Variants in MYBL1 observed in about 807,000 individuals in gnomAD.
The protein encoded by MYBL1 is MYB proto-oncogene like 1.
MYBL1 carries 17 observed loss-of-function variants against 96.3 expected under a neutral mutation model. The ratio of observed to expected loss-of-function variants is 0.18; its 90% confidence interval spans 0.12 to 0.26. The LOEUF (loss-of-function observed/expected upper bound fraction) is 0.26. Among genes scored for constraint, MYBL1 ranks in the 10% least tolerant of loss-of-function variants. The probability of loss-of-function intolerance (pLI) is 1.00; values close to 1 mark genes in which losing one functional copy is unlikely to be tolerated. For synonymous variants in MYBL1, 282 were observed against 292.7 expected (o/e 0.96, Z 0.37); for missense variants, 701 against 882.9 (o/e 0.79, Z 2.61).
At chr8:66,574,978 C>T (rs777840304) in intron 10 of MYBL1, among the ~76,000 whole-genome samples, 5 of 152,036 alleles carry the variant, frequency 3.3e-5, no homozygotes, top group Non-Finnish European at 4.4e-5. Flanking sequence ...CACTTGAACC[C>T]GGGAGGCGGA....
rs748438054 is a variant in MYBL1 at position 66,580,250 on chromosome 8, C to A, written c.984G>T (p.Gln328His). The stretch of plus-strand genomic sequence containing the variant: ...GTGAATTCTGCTGAGCAGACACAGG[C>A]TGATTTTCATCCATACTGTAAAACT... ...TSEFYSMDENQPVSAQQNSPT... is the reference protein window; with the variant it reads ...TSEFYSMDENHPVSAQQNSPT... Residue 328 changes from glutamine (Q) to histidine (H), a missense_variant, in exon 9 of 16, where the codon CAG becomes CAT. This residue lies in a region of MYBL1 where 396 missense variants were observed against 407.4 expected (regional missense o/e 0.97). Coordinates refer to ENST00000522677, the MANE Select transcript of MYBL1 (RefSeq NM_001080416.4). 1 of 1,613,864 alleles carries A rather than the reference C, an allele frequency of 6.2e-7. No homozygotes were observed. The highest frequency in any genetic ancestry group is 8.5e-7 in the Non-Finnish European group (1 of 1,179,798).
In MYBL1 at chr8:66,572,340, AC is replaced by A. The variant is rs948295090; in HGVS notation, c.1728+141del. 186 of 525,398 alleles carry A rather than the reference AC, an allele frequency of 3.5e-4. 1 individual carries two copies. The highest frequency in any genetic ancestry group is 4.6e-4 in the Non-Finnish European group (140 of 306,526). The allele number at this position is 525,398 out of a possible 1,614,324, so 32.5% of individuals were successfully genotyped here. ...GTCTCAAAAAAAAAACAAAAAAAAA[AC>A]CTTGAAAATCAAAAGATAAAGCTTT... On this transcript the variant is annotated intron_variant, in intron 12 of 15. Transcript: ENST00000522677.
rs1413389155 is a variant in MYBL1, at chr8:66,578,372, A to C, written c.1101+1761T>G. ...TATCCAGAATCTACAATGAACTCAA[A>C]CAAATTTACAAGAAAAAAACAAACA... On this transcript the variant is annotated intron_variant, in intron 9 of 15. Coordinates refer to ENST00000522677, the MANE Select transcript of MYBL1 (RefSeq NM_001080416.4). 3.3e-5 allele frequency among the ~76,000 whole-genome samples: 5 copies of C among 152,244 alleles called. No individual in the cohort carries two copies. The South Asian group carries it at 6.2e-4, about 19-fold the overall frequency.
intron 5 of MYBL1, among the ~76,000 whole-genome samples, chr8:66,595,986 T>C (rs1462660365): frequency 6.6e-6 from 1 of 152,150 alleles, no homozygotes; most frequent in African/African-American, 2.4e-5. Context: ...CCAGAAATAT[T>C]GCAGTGAGTA....
At chr8:66,585,700 C>G (rs1289327862) in intron 8 of MYBL1, among the ~76,000 whole-genome samples, 2 of 152,112 alleles carry the variant, frequency 1.3e-5, no homozygotes, top group Non-Finnish European at 2.9e-5. Context: ...CGCGCCACTG[C>G]CACTGCACTC....
At chr8:66,583,080 G>C (rs1337330809) in intron 8 of MYBL1, among the ~76,000 whole-genome samples, 1 of 152,100 alleles carries the variant, frequency 6.6e-6, no homozygotes, top group Non-Finnish European at 1.5e-5. Flanking sequence ...CTTCATGACA[G>C]ACCACGTATT....
chr8:66,606,918 G>T (rs1223977652), intron 1 of MYBL1, among the ~76,000 whole-genome samples: 1 of 151,966 alleles, frequency 6.6e-6, no homozygotes, highest in Non-Finnish European at 1.5e-5. Context: ...AGCCTCCCAG[G>T]TAGAAGGAAT....
At chr8:66,577,577 G>C (rs1809012485) in intron 9 of MYBL1, among the ~76,000 whole-genome samples, 5 of 152,058 alleles carry the variant, frequency 3.3e-5, no homozygotes, top group Non-Finnish European at 5.9e-5. Flanking sequence ...TGAAATAAAA[G>C]AGGATACAAA....
At chr8:66,566,004 CCAAAGTGATCATTGACTAA>C (rs1442781647) in intron 15 of MYBL1, 41 bp downstream of exon 15, 35 of 1,151,266 alleles carry the variant, frequency 3.0e-5, no homozygotes, top group Non-Finnish European at 4.1e-5. Flanking sequence ...ATCAGTAAAT[CCAAAGTGATCATTGACTAA>C]ACAAAAACAA....
chr8:66,601,421 G>A lies in MYBL1; in HGVS notation c.198+277C>T, dbSNP rs77314203. Among the ~76,000 whole-genome samples, 1,041 of 151,932 alleles carry A rather than the reference G, an allele frequency of 6.9e-3. 5 individuals carry two copies. The highest frequency in any genetic ancestry group is 0.012 in the Non-Finnish European group (811 of 67,972). On this transcript the variant is annotated intron_variant, in intron 3 of 15. Transcript: ENST00000522677. ...TCACAGAATGTTTTAACGTGTATTAGCAAATATTTATAAGGTCCCACATAC... is the reference window on the plus strand; with the variant it reads ...TCACAGAATGTTTTAACGTGTATTAACAAATATTTATAAGGTCCCACATAC...
At chr8:66,611,221 T>G (rs1185559637) in intron 1 of MYBL1, among the ~76,000 whole-genome samples, 1 of 152,192 alleles carries the variant, frequency 6.6e-6, no homozygotes, top group East Asian at 1.9e-4. Flanking sequence ...TCAAATAAGA[T>G]TAACATCAAT....
chr8:66,580,320 T>A lies in MYBL1; in HGVS notation c.914A>T (p.Asp305Val). The A allele has an allele frequency of 1.2e-6, 2 of 1,613,580 alleles. No homozygotes were observed. The highest frequency in any genetic ancestry group is 1.7e-6 in the Non-Finnish European group (2 of 1,179,590). Reference protein sequence around the residue: ...SSWSGSFLMDDNMSNTLNSLD... With the variant: ...SSWSGSFLMDVNMSNTLNSLD... ...GCTATTTAGAGTATTAGACATGTTA[T>A]CATCCATGAGGAAACTACCAGACCA... The change falls in exon 9 of 16, where the codon GAT (aspartate) becomes GTT (valine). Residue 305 changes from aspartate (D) to valine (V), a missense_variant. By Grantham distance (152) the Asp-to-Val change is radical. Around this residue, in one of 5 missense-constraint regions of MYBL1, gnomAD observed 396 missense variants for 407.4 expected, o/e 0.97. Coordinates refer to ENST00000522677, the MANE Select transcript of MYBL1 (RefSeq NM_001080416.4).
chr8:66,580,901 C>T (rs1449665708), intron 8 of MYBL1, among the ~76,000 whole-genome samples: 1 of 150,910 alleles, frequency 6.6e-6, no homozygotes, highest in Admixed American at 6.6e-5. Context: ...CACTCAGTTG[C>T]CCAGGCTGGG....
chr8:66,606,294 A>G lies in MYBL1; in HGVS notation c.21-3771T>C, dbSNP rs1810309026. Among the ~76,000 whole-genome samples the G allele has an allele frequency of 2.0e-5, 3 of 152,346 alleles. No homozygotes were observed. The South Asian group carries it at 6.2e-4, about 32-fold the overall frequency. On this transcript the variant is annotated intron_variant, in intron 1 of 15. Transcript: ENST00000522677. ...GATAAAATTAAATGAGAAAACATAT[A>G]TAACACCTCATACAGCACATGGCAC...
intron 1 of MYBL1, 61 bp from the exon 2 acceptor site, chr8:66,602,584 CTG>C: frequency 8.4e-7 from 1 of 1,194,104 alleles, no homozygotes; most frequent in Non-Finnish European, 1.2e-6. Context: ...AATTCAAACA[CTG>C]AACTTGTGTG....
chr8:66,612,779 G>C (rs1336785841), intron 1 of MYBL1, 40 bp downstream of exon 1: 2 of 1,348,470 alleles, frequency 1.5e-6, no homozygotes, highest in Non-Finnish European at 1.9e-6. Flanking sequence ...TCTGAGCCGA[G>C]ACGGCGCCGA....
In MYBL1 at chr8:66,595,571, A is replaced by G. The variant is rs974939985; in HGVS notation, c.687+12T>C. ...AAATTTTTTAAATAATAAAGGTATT[A>G]AAAGTATGTGCCTGAACAGGTATGT... On this transcript the variant is annotated intron_variant, in intron 6 of 15. Transcript: ENST00000522677. 6.8e-7 allele frequency: 1 copy of G among 1,465,024 alleles called. No homozygotes were observed. The highest frequency in any genetic ancestry group is 9.0e-7 in the Non-Finnish European group (1 of 1,108,452). The allele number at this position is 1,465,024 out of a possible 1,614,324, so 90.8% of individuals were successfully genotyped here.
intron 12 of MYBL1, among the ~76,000 whole-genome samples, chr8:66,568,794 AG>A (rs1318728631): frequency 1.3e-5 from 2 of 151,952 alleles, no homozygotes; most frequent in African/African-American, 4.8e-5. Flanking sequence ...TGGGAGACCG[AG>A]GCGGGCAGAT....
chr8:66,569,562 G>A (rs912955440), intron 12 of MYBL1, among the ~76,000 whole-genome samples: 20 of 152,098 alleles, frequency 1.3e-4, no homozygotes, highest in East Asian at 1.2e-3. Flanking sequence ...TGTTGCCCAG[G>A]CTGGTCTTGA....
Sources: allele counts gnomAD v4.1 joint callset (sites outside exome capture counted in the v4.1 genomes callset), GRCh38; gene constraint gnomAD v4.1.1; regional missense constraint gnomAD v4.1.1; transcripts MANE v1.5; gene names NCBI Gene and HGNC (gene_info 2026-07-23, HGNC 2026-07-21).